DCLK1: variants seen among roughly 807,000 people sequenced by gnomAD.
DCLK1 encodes the protein serine/threonine-protein kinase DCLK1.
In DCLK1, 16 loss-of-function variants were observed where a neutral mutation model predicts 86.2. That is an observed-to-expected ratio of 0.19 (90% CI 0.13 to 0.28). DCLK1 has a LOEUF of 0.28. Among genes scored for constraint, DCLK1 ranks in the 10% least tolerant of loss-of-function variants. DCLK1 has a pLI of 1.00. For synonymous variants in DCLK1, 369 were observed against 370.5 expected, an observed-to-expected ratio of 1.00 and a Z score of 0.05; for missense variants, 590 against 940.2, an observed-to-expected ratio of 0.63 and a Z score of 4.87.
intron 10 of DCLK1, among the ~76,000 whole-genome samples, chr13:35,824,714 T>A (rs2087480063): frequency 6.6e-6 from 1 of 152,276 alleles, no homozygotes; most frequent in South Asian, 2.1e-4. Flanking sequence ...CGCTATTTTC[T>A]TTCTCTCTTC....
At chr13:35,808,755 A>G (rs2087083087) in intron 13 of DCLK1, among the ~76,000 whole-genome samples, 1 of 152,042 alleles carries the variant, frequency 6.6e-6, no homozygotes, top group African/African-American at 2.4e-5. Flanking sequence ...TGCACTCCAG[A>G]CTGAGCAAAA....
chr13:35,955,007 G>A (rs983987992), intron 3 of DCLK1, among the ~76,000 whole-genome samples: 7 of 152,230 alleles, frequency 4.6e-5, no homozygotes, highest in African/African-American at 1.4e-4. Context: ...AATTGAAAGT[G>A]TATTCCTTCC....
chr13:35,867,012 T>C (rs2153113665), intron 5 of DCLK1, among the ~76,000 whole-genome samples: 1 of 152,262 alleles, frequency 6.6e-6, no homozygotes, highest in East Asian at 1.9e-4. Context: ...CTGGCAACAC[T>C]GCCGAATTCC....
Position 36,112,106 on chromosome 13 carries a change from T to C in DCLK1, c.486A>G (p.Ala162=), listed in dbSNP as rs1885639815. The change falls in exon 3 of 17, where the codon GCA becomes GCG. Residue 162 remains alanine, a synonymous_variant. Coordinates refer to ENST00000360631, the MANE Select transcript of DCLK1 (RefSeq NM_001330071.2). ...VNVKTTSASR[A]VSSLATAKGS... is the part of the protein sequence containing the mutation. ...CTTTGGCAGTGGCCAGTGAAGACAC[T>C]GCCCGAGAAGCCGAGGTGGTCTTGA... 6.2e-7 allele frequency: 1 copy of C among 1,614,074 alleles called. No homozygotes were observed. Among genetic ancestry groups the C allele is most frequent in the Non-Finnish European group, 8.5e-7 (1 of 1,179,940 alleles).
chr13:36,118,574 A>G (rs762948760), intron 2 of DCLK1, among the ~76,000 whole-genome samples: 1 of 152,100 alleles, frequency 6.6e-6, no homozygotes, highest in Non-Finnish European at 1.5e-5. Flanking sequence ...CCTAGAAGCC[A>G]ATCAGTTGGA....
intron 3 of DCLK1, among the ~76,000 whole-genome samples, chr13:35,987,969 T>C (rs1880024194): frequency 6.6e-6 from 1 of 152,192 alleles, no homozygotes; most frequent in Admixed American, 6.5e-5. Context: ...GGGTCCCCAG[T>C]CTCAGGCCAG....
chr13:35,852,148 T>A (rs2153110173), intron 6 of DCLK1, among the ~76,000 whole-genome samples: 1 of 152,340 alleles, frequency 6.6e-6, no homozygotes, highest in Non-Finnish European at 1.5e-5. Context: ...CTTTGAAGTG[T>A]CTTCTTTTAG....
intron 3 of DCLK1, among the ~76,000 whole-genome samples, chr13:36,060,097 C>T (rs1462359666): frequency 6.6e-6 from 1 of 151,896 alleles, no homozygotes; most frequent in Non-Finnish European, 1.5e-5. Context: ...TCTTGAACTC[C>T]TGACCTCAGG....
In DCLK1 at chr13:35,919,787, C is replaced by T. The variant is rs189894054; in HGVS notation, c.823+27571G>A. On this transcript the variant is annotated intron_variant, in intron 4 of 16. Transcript: ENST00000360631. ...ATTAGCCTGGGCAACACAGTGAGAC[C>T]CCACCCCTCTCAAAAAAAATTTTTT... Among the ~76,000 whole-genome samples, 311 of 150,834 alleles carry T rather than the reference C, an allele frequency of 2.1e-3. 1 individual carries two copies. Among genetic ancestry groups the T allele is most frequent in the African/African-American group, 7.1e-3 (291 of 41,034 alleles).
intron 3 of DCLK1, among the ~76,000 whole-genome samples, chr13:35,959,252 G>A (rs114746384): frequency 1.7e-3 from 257 of 152,250 alleles, no homozygotes; most frequent in African/African-American, 6.0e-3. Flanking sequence ...ACATGGGGCT[G>A]GTTTCCATCT....
Position 36,059,438 on chromosome 13 carries a change from C to T in DCLK1, c.723+52431G>A, listed in dbSNP as rs369073450. Among the ~76,000 whole-genome samples, 4 of 152,080 alleles carry T rather than the reference C, an allele frequency of 2.6e-5. No individual in the cohort carries two copies. The East Asian group carries it at 7.7e-4, about 29-fold the overall frequency. On this transcript the variant is annotated intron_variant, in intron 3 of 16. Coordinates refer to ENST00000360631, the MANE Select transcript of DCLK1 (RefSeq NM_001330071.2). ...CAAAAGCAGTTTATAAGGCACTATT[C>T]TATGAAATCATCACAGTGGGCCTGG...
intron 3 of DCLK1, among the ~76,000 whole-genome samples, chr13:36,105,570 C>A (rs1885364814): frequency 6.6e-6 from 1 of 152,110 alleles, no homozygotes; most frequent in African/African-American, 2.4e-5. Context: ...GATTTGAACT[C>A]ATCTATAATT....
intron 5 of DCLK1, among the ~76,000 whole-genome samples, chr13:35,865,636 T>A (rs1261335765): frequency 6.6e-6 from 1 of 152,208 alleles, no homozygotes; most frequent in Non-Finnish European, 1.5e-5. Context: ...CTTTCTTTCA[T>A]CTCTGCATCA....
At position 35,808,229 on chromosome 13, in the gene DCLK1, C is replaced by T. The variant is rs2153102457; in HGVS notation, c.1858G>A (p.Ala620Thr). 3 of 1,613,994 alleles carry T rather than the reference C, an allele frequency of 1.9e-6. No individual in the cohort carries two copies. The South Asian group carries it at 3.3e-5, about 18-fold the overall frequency. Reference protein sequence around the residue: ...SPYWDNVSDSAKELITMMLLV... With the variant: ...SPYWDNVSDSTKELITMMLLV... ...GGAAGGCACTGGACACCTACCTTTG[C>T]AGAATCGGAAACATTATCCCAGTAT... is the stretch of plus-strand genomic sequence containing the variant. The change falls in exon 14 of 17, where the codon GCA (alanine) becomes ACA (threonine). Residue 620 changes from alanine to threonine, a missense_variant. Transcript: ENST00000360631.
chr13:36,103,625 T>C (rs1015276670), intron 3 of DCLK1, among the ~76,000 whole-genome samples: 3 of 148,978 alleles, frequency 2.0e-5, no homozygotes, highest in Non-Finnish European at 4.5e-5. Flanking sequence ...GTTTACAATA[T>C]AGTTCCTATT....
intron 5 of DCLK1, among the ~76,000 whole-genome samples, chr13:35,870,704 T>C (rs1206465657): frequency 2.6e-5 from 4 of 152,138 alleles, no homozygotes; most frequent in Non-Finnish European, 4.4e-5. Flanking sequence ...ACACAGCCTC[T>C]CCAACACCAG....
intron 11 of DCLK1, among the ~76,000 whole-genome samples, chr13:35,816,982 TCCA>T: frequency 6.6e-6 from 1 of 152,320 alleles, no homozygotes; most frequent in South Asian, 2.1e-4. Context: ...TCTGACAGGT[TCCA>T]CCAAGTGACT....
At chr13:35,781,029 C>T (rs141341191) in intron 16 of DCLK1, among the ~76,000 whole-genome samples, 72 of 152,316 alleles carry the variant, frequency 4.7e-4, no homozygotes, top group African/African-American at 1.7e-3. Context: ...TTAAATCCTT[C>T]GTTCTGACAT....
intron 3 of DCLK1, among the ~76,000 whole-genome samples, chr13:36,045,512 T>C (rs1397694429): frequency 1.3e-5 from 2 of 151,580 alleles, no homozygotes; most frequent in Non-Finnish European, 2.9e-5. Flanking sequence ...GAATATAATA[T>C]AGTCTTCTCA....
Sources: gnomAD v4.1 joint callset for allele counts (sites outside exome capture counted in the v4.1 genomes callset) on GRCh38, gnomAD v4.1.1 for gene constraint, MANE v1.5 for transcripts, NCBI Gene and HGNC (gene_info 2026-07-23, HGNC 2026-07-21) for gene names.